Variants in RPA3 observed in about 807,000 individuals in gnomAD.
RPA3 encodes the protein replication protein A 14 kDa subunit.
A neutral mutation model predicts 13.7 loss-of-function variants in RPA3; 24 were observed. The observed-to-expected ratio is 1.75, with a 90% CI of 1.27 to 2.46. The LOEUF (loss-of-function observed/expected upper bound fraction) is 2.46. RPA3 is among the 30% of genes most tolerant of loss of function. The pLI, the probability that RPA3 is intolerant of heterozygous loss-of-function variation, is 0.00. For synonymous variants in RPA3, 59 were observed against 51.2 expected, an observed-to-expected ratio of 1.15 and a Z score of -0.65; for missense variants, 183 against 151.0, an observed-to-expected ratio of 1.21 and a Z score of -1.11.
intron 5 of RPA3, among the ~76,000 whole-genome samples, chr7:7,639,725 G>A (rs1016615221): frequency 6.6e-6 from 1 of 152,214 alleles, no homozygotes; most frequent in Non-Finnish European, 1.5e-5. Context: ...ATGTGTGGAT[G>A]AAATGAGCTA....
chr7:7,648,258 A>G (rs1163062244), intron 4 of RPA3, among the ~76,000 whole-genome samples: 1 of 152,240 alleles, frequency 6.6e-6, no homozygotes, highest in Non-Finnish European at 1.5e-5. Context: ...TTGACAGATC[A>G]TGAGTGATTT....
chr7:7,717,524 G>A (rs1348290129), intron 1 of RPA3, among the ~76,000 whole-genome samples: 1 of 152,160 alleles, frequency 6.6e-6, no homozygotes, highest in African/African-American at 2.4e-5. Context: ...TTGTTTTGAA[G>A]TAAAATGTTT....
At chr7:7,640,265 G>A in intron 5 of RPA3, 55 bp downstream of exon 5, 1 of 1,555,230 alleles carries the variant, frequency 6.4e-7, no homozygotes, top group Non-Finnish European at 8.9e-7. Flanking sequence ...TTATCCAGGC[G>A]GGGTCCCTCC....
At chr7:7,667,953 G>A (rs539927671) in intron 4 of RPA3, among the ~76,000 whole-genome samples, 64 of 152,108 alleles carry the variant, frequency 4.2e-4, no homozygotes, top group African/African-American at 1.4e-3. Flanking sequence ...TTTAACACAG[G>A]GTCTTGCTCT....
chr7:7,706,802 A>G (rs1368731004), intron 2 of RPA3, among the ~76,000 whole-genome samples: 3 of 152,266 alleles, frequency 2.0e-5, no homozygotes, highest in East Asian at 1.9e-4. Context: ...CTTAATCCGT[A>G]TGTTCTACAT....
chr7:7,680,689 T>C (rs1455998402), intron 4 of RPA3, among the ~76,000 whole-genome samples: 2 of 95,158 alleles, frequency 2.1e-5, no homozygotes, highest in Non-Finnish European at 4.9e-5. Flanking sequence ...TATCTTTCCA[T>C]TTTTTTTTAT....
chr7:7,639,327 C>T (rs1784915046), intron 5 of RPA3, among the ~76,000 whole-genome samples, 183 bp from the exon 6 acceptor site: 1 of 1,746 alleles, frequency 5.7e-4, no homozygotes, highest in African/African-American at 1.3e-3. Context: ...ATGGAACACA[C>T]AGTTAATTTC....
chr7:7,717,841 A>G lies in RPA3; in HGVS notation c.-1080+674T>C, dbSNP rs1583770803. Among the ~76,000 whole-genome samples, 4 of 152,316 alleles carry G rather than the reference A, an allele frequency of 2.6e-5. No individual in the cohort carries two copies. The East Asian group carries it at 7.7e-4, about 29-fold the overall frequency. On this transcript the variant is annotated intron_variant, in intron 1 of 7. Coordinates refer to ENST00000223129, the MANE Select transcript of RPA3 (RefSeq NM_002947.5). The stretch of plus-strand genomic sequence containing the variant: ...ATCTTACCATCACCTTTTATGCTTA[A>G]GTTTATGATTGGCCATAATTATCAA...
At chr7:7,700,325 G>A (rs1211223000) in intron 2 of RPA3, among the ~76,000 whole-genome samples, 3 of 152,022 alleles carry the variant, frequency 2.0e-5, no homozygotes, top group African/African-American at 4.8e-5. Flanking sequence ...ACCTCCCAAA[G>A]GTCTCCTAAT....
At chr7:7,685,160 T>C (rs943605296) in intron 4 of RPA3, among the ~76,000 whole-genome samples, 5 of 152,118 alleles carry the variant, frequency 3.3e-5, no homozygotes, top group African/African-American at 1.2e-4. Context: ...TCATATAGGG[T>C]TGGAAGACCT....
chr7:7,657,909 G>A (rs1205358667), intron 4 of RPA3, among the ~76,000 whole-genome samples: 2 of 152,108 alleles, frequency 1.3e-5, no homozygotes, highest in Non-Finnish European at 2.9e-5. Context: ...GGGCAGTATG[G>A]CCATTTTCAT....
chr7:7,692,897 G>A (rs1248103925), intron 2 of RPA3, among the ~76,000 whole-genome samples: 4 of 152,294 alleles, frequency 2.6e-5, no homozygotes, highest in South Asian at 4.1e-4. Context: ...ATGAGCCACC[G>A]TGCCTGGCCA....
At chr7:7,668,827 G>A (rs1432752546) in intron 4 of RPA3, among the ~76,000 whole-genome samples, 2 of 152,170 alleles carry the variant, frequency 1.3e-5, no homozygotes, top group Non-Finnish European at 1.5e-5. Context: ...CAGCTGGCCA[G>A]AGGCTCTTCT....
intron 4 of RPA3, among the ~76,000 whole-genome samples, chr7:7,642,760 G>T (rs1785003660): frequency 6.6e-6 from 1 of 152,170 alleles, no homozygotes; most frequent in East Asian, 1.9e-4. Flanking sequence ...CCAGTTACCA[G>T]TAAATTTTAC....
Position 7,705,018 on chromosome 7 carries a change from A to G in RPA3, c.-1028+10157T>C, listed in dbSNP as rs539874819. 5.3e-5 allele frequency among the ~76,000 whole-genome samples: 8 copies of G among 152,300 alleles called. 1 individual carries two copies. Among genetic ancestry groups the G allele is most frequent in the African/African-American group, 1.9e-4 (8 of 41,582 alleles). On this transcript the variant is annotated intron_variant, in intron 2 of 7. Transcript: ENST00000223129. The stretch of plus-strand genomic sequence containing the variant: ...AGAGGAAGGGCGCTGATTGTGAACC[A>G]TGGTGCTTCTTGGCATCTGTAACAC...
chr7:7,674,163 C>A (rs1779682021), intron 4 of RPA3, among the ~76,000 whole-genome samples: 3 of 152,174 alleles, frequency 2.0e-5, no homozygotes, highest in Non-Finnish European at 4.4e-5. Flanking sequence ...CTTTTCCATG[C>A]TGGACCTCCT....
chr7:7,660,041 T>C (rs1047745780), intron 4 of RPA3, among the ~76,000 whole-genome samples: 8 of 152,260 alleles, frequency 5.3e-5, no homozygotes, highest in African/African-American at 1.9e-4. Flanking sequence ...CATTGATCCC[T>C]TTACCATTAT....
chr7:7,711,691 GTC>G (rs1221236882), intron 2 of RPA3, among the ~76,000 whole-genome samples: 1 of 151,922 alleles, frequency 6.6e-6, no homozygotes, highest in Non-Finnish European at 1.5e-5. Context: ...CTGCTGTATT[GTC>G]TGTCATTTAA....
intron 4 of RPA3, among the ~76,000 whole-genome samples, chr7:7,649,985 C>T (rs187938481): frequency 6.6e-6 from 1 of 152,320 alleles, no homozygotes; most frequent in East Asian, 1.9e-4. Flanking sequence ...ACTTTCCAGC[C>T]TCTAGGACTG....
Sources: gnomAD v4.1 joint callset for allele counts (sites outside exome capture counted in the v4.1 genomes callset) on GRCh38, gnomAD v4.1.1 for gene constraint, MANE v1.5 for transcripts, NCBI Gene and HGNC (gene_info 2026-07-23, HGNC 2026-07-21) for gene names.